The following ARHGAP23 variants were observed in gnomAD, a reference collection of about 807,000 sequenced individuals.
ARHGAP23 encodes Rho GTPase activating protein 23, also known as rho GTPase-activating protein 23.
In ARHGAP23, 34 loss-of-function variants were observed where a neutral mutation model predicts 136.3. That is an observed-to-expected ratio of 0.25 (90% CI 0.19 to 0.33). The LOEUF (loss-of-function observed/expected upper bound fraction) is 0.33. ARHGAP23 is among the 10% of genes least tolerant of loss of function. The pLI, the probability that ARHGAP23 is intolerant of heterozygous loss-of-function variation, is 1.00. For missense variants in ARHGAP23, 1,808 were observed against 2,139.0 expected (o/e 0.85, Z 3.05); for synonymous variants, 832 against 920.5 (o/e 0.90, Z 1.74).
intron 11 of ARHGAP23, among the ~76,000 whole-genome samples, chr17:38,473,496 G>A (rs1347896270): frequency 2.0e-5 from 3 of 152,172 alleles, no homozygotes; most frequent in Non-Finnish European, 4.4e-5. Context: ...CGGGACTGGC[G>A]CTCCTCTGTG....
intron 11 of ARHGAP23, among the ~76,000 whole-genome samples, chr17:38,472,536 C>T (rs372913673): frequency 2.0e-5 from 3 of 151,680 alleles, no homozygotes; most frequent in South Asian, 2.1e-4. Context: ...TAGGAGCCAC[C>T]GTGGAGATCC....
At chr17:38,439,777 CT>C (rs200647606) in intron 1 of ARHGAP23, among the ~76,000 whole-genome samples, 34,382 of 145,242 alleles carry the variant, frequency 0.24, 3,894 homozygotes, top group East Asian at 0.43. Context: ...TGCTTAGGAA[CT>C]TTTTTTTTTT....
intron 14 of ARHGAP23, 24 bp downstream of exon 14, chr17:38,479,907 G>A: frequency 6.5e-7 from 1 of 1,543,438 alleles, no homozygotes; most frequent in Non-Finnish European, 8.7e-7. Context: ...CACTGAGACA[G>A]GGTGGTGTGT....
At chr17:38,455,773 C>T (rs913956362) in intron 1 of ARHGAP23, among the ~76,000 whole-genome samples, 3 of 152,198 alleles carry the variant, frequency 2.0e-5, no homozygotes, top group African/African-American at 7.2e-5. Context: ...CCTTTTCGCT[C>T]CCTGATCAGT....
intron 3 of ARHGAP23, 143 bp downstream of exon 3, chr17:38,461,075 C>G (rs2039449877): frequency 6.9e-7 from 1 of 1,449,494 alleles, no homozygotes; most frequent in Non-Finnish European, 9.1e-7. Context: ...CTGTCTGTGC[C>G]CCTGGTCTGG....
At chr17:38,461,895 A>T (rs1375947031) in intron 3 of ARHGAP23, among the ~76,000 whole-genome samples, 1 of 151,950 alleles carries the variant, frequency 6.6e-6, no homozygotes, top group African/African-American at 2.4e-5. Context: ...TGTGTGTGTG[A>T]GAATCTGCCT....
intron 1 of ARHGAP23, 155 bp from the exon 2 acceptor site, chr17:38,457,947 G>A (rs2039367116): frequency 1.9e-5 from 15 of 792,214 alleles, no homozygotes; most frequent in Non-Finnish European, 2.8e-5. Flanking sequence ...AGGAAGGGGT[G>A]AGGAGGAGGT....
chr17:38,510,119 G>A lies in ARHGAP23; in HGVS notation c.3623G>A (p.Gly1208Glu). The A allele has an allele frequency of 4.0e-6, 5 of 1,262,896 alleles. No individual in the cohort carries two copies. The highest frequency in any genetic ancestry group is 5.0e-6 in the Non-Finnish European group (5 of 1,009,992). The allele number at this position is 1,262,896 out of a possible 1,614,324, so 78.2% of individuals were successfully genotyped here. Residue 1208 changes from glycine (G) to glutamate (E), a missense_variant, in exon 24 of 24, where the codon GGG becomes GAG. Around this residue, in one of 7 missense-constraint regions of ARHGAP23, gnomAD observed 506 missense variants for 455.8 expected, o/e 1.11. Transcript: ENST00000622683. The surrounding 1 kb of genome is among the most constrained non-coding windows in gnomAD (Gnocchi z 4.6). ...HKPGAGATAP[G>E]TQERPQGPLP... is the part of the protein sequence containing the mutation. ...CCTGGGGCGGGGGCCACAGCGCCGG[G>A]GACTCAGGAGCGGCCGCAGGGGCCG...
intron 1 of ARHGAP23, chr17:38,454,170 G>T: frequency 6.5e-6 from 1 of 152,934 alleles, no homozygotes; most frequent in South Asian, 1.8e-4. Flanking sequence ...GGCCGGGGCC[G>T]GGGCAGGCCT....
At chr17:38,482,275 G>C in intron 15 of ARHGAP23, 132 bp downstream of exon 15, 1 of 1,458,526 alleles carries the variant, frequency 6.9e-7, no homozygotes, top group Non-Finnish European at 9.1e-7. Flanking sequence ...AGCCCAGAGA[G>C]GGGAAGGCCC....
chr17:38,446,609 A>ATTTTTT (rs59571187), intron 1 of ARHGAP23, among the ~76,000 whole-genome samples: 20 of 131,644 alleles, frequency 1.5e-4, no homozygotes, highest in Non-Finnish European at 9.8e-5. Context: ...TCTGTGTTTA[A>ATTTTTT]TTTTTTTTTT....
At chr17:38,463,887 C>A (rs1402420643) in intron 6 of ARHGAP23, among the ~76,000 whole-genome samples, 1 of 152,158 alleles carries the variant, frequency 6.6e-6, no homozygotes, top group African/African-American at 2.4e-5. Context: ...CACCACAACA[C>A]ACATGCAGCA....
chr17:38,502,285 G>A (rs1274686214), intron 23 of ARHGAP23, among the ~76,000 whole-genome samples: 1 of 152,204 alleles, frequency 6.6e-6, no homozygotes, highest in Non-Finnish European at 1.5e-5. Flanking sequence ...CAGTCTGGGC[G>A]ACAGAGCGAG....
At chr17:38,504,399 C>T (rs544276145) in intron 23 of ARHGAP23, among the ~76,000 whole-genome samples, 19 of 152,334 alleles carry the variant, frequency 1.2e-4, no homozygotes, top group African/African-American at 4.1e-4. Flanking sequence ...ATCTGAGAGC[C>T]TGCGGCCTCC....
At chr17:38,437,456 G>A (rs1255245349) in intron 1 of ARHGAP23, among the ~76,000 whole-genome samples, 1 of 152,004 alleles carries the variant, frequency 6.6e-6, no homozygotes, top group East Asian at 1.9e-4. Context: ...GCAAGACCCT[G>A]TCTCTAAAAA....
intron 20 of ARHGAP23, among the ~76,000 whole-genome samples, chr17:38,497,436 G>A (rs1446982455): frequency 6.6e-6 from 1 of 152,218 alleles, no homozygotes; most frequent in East Asian, 1.9e-4. Context: ...TCGCTGTGGG[G>A]AGTATACCAC....
At chr17:38,498,307 C>T (rs989244255) in intron 21 of ARHGAP23, 107 bp from the exon 22 acceptor site, 41 of 826,306 alleles carry the variant, frequency 5.0e-5, no homozygotes, top group Middle Eastern at 3.8e-4. Flanking sequence ...CCAGTGAGCC[C>T]GGTCTGATGG....
chr17:38,508,331 T>G (rs1477367235), intron 23 of ARHGAP23, among the ~76,000 whole-genome samples: 2 of 152,102 alleles, frequency 1.3e-5, no homozygotes, highest in Non-Finnish European at 2.9e-5. Context: ...CTGGCAGCAA[T>G]GTAACAGTGT....
At chr17:38,504,978 C>T (rs1445792962) in intron 23 of ARHGAP23, among the ~76,000 whole-genome samples, 30 of 43,166 alleles carry the variant, frequency 6.9e-4, no homozygotes, top group African/African-American at 1.4e-3. Context: ...CCCTTATCAT[C>T]TTTTTTTTTT....
Sources: gnomAD v4.1 joint callset for allele counts (sites outside exome capture counted in the v4.1 genomes callset) on GRCh38, gnomAD v4.1.1 for gene constraint, gnomAD v4.1.1 regional missense constraint, Gnocchi (gnomAD v3.1) non-coding constraint, MANE v1.5 for transcripts, NCBI Gene and HGNC (gene_info 2026-07-23, HGNC 2026-07-21) for gene names.